Variants in CCDC60 observed in about 807,000 individuals in gnomAD.
CCDC60 encodes the protein coiled-coil domain containing 60, also known as coiled-coil domain-containing protein 60.
A neutral mutation model predicts 63.5 loss-of-function variants in CCDC60; 54 were observed. That is an observed-to-expected ratio of 0.85 (90% CI 0.68 to 1.07). The LOEUF (loss-of-function observed/expected upper bound fraction) is 1.07. Ranked by LOEUF, CCDC60 falls within the 50% of genes least tolerant of loss-of-function variation. The probability of loss-of-function intolerance (pLI) is 0.00; values close to 1 mark genes in which losing one functional copy is unlikely to be tolerated. For synonymous variants in CCDC60, 206 were observed against 238.8 expected, an observed-to-expected ratio of 0.86 and a Z score of 1.27; for missense variants, 651 against 684.3, an observed-to-expected ratio of 0.95 and a Z score of 0.54.
At chr12:119,535,545 G>T (rs1050951431) in intron 13 of CCDC60, among the ~76,000 whole-genome samples, 1 of 152,078 alleles carries the variant, frequency 6.6e-6, no homozygotes, top group Non-Finnish European at 1.5e-5. Context: ...TCTCTTGTGG[G>T]CATTTAGTGC....
chr12:119,470,717 T>C (rs1951041315), intron 2 of CCDC60, among the ~76,000 whole-genome samples: 1 of 152,176 alleles, frequency 6.6e-6, no homozygotes, highest in Non-Finnish European at 1.5e-5. Context: ...AAGAAAATCC[T>C]ACTTTCTCCA....
chr12:119,364,414 A>G (rs1457866897), intron 1 of CCDC60, among the ~76,000 whole-genome samples: 1 of 152,134 alleles, frequency 6.6e-6, no homozygotes, highest in Non-Finnish European at 1.5e-5. Context: ...CTCCTCATCT[A>G]TACTCTATCA....
intron 1 of CCDC60, among the ~76,000 whole-genome samples, chr12:119,408,470 G>T (rs1956533274): frequency 6.6e-6 from 1 of 152,128 alleles, no homozygotes; most frequent in Non-Finnish European, 1.5e-5. Flanking sequence ...GTGCTTTCTG[G>T]CTGTAGGCTA....
intron 2 of CCDC60, among the ~76,000 whole-genome samples, chr12:119,445,767 T>A (rs1010669043): frequency 2.0e-5 from 3 of 152,164 alleles, no homozygotes; most frequent in Admixed American, 6.5e-5. Context: ...TAAAAAGGAA[T>A]GAATTAATGG....
At chr12:119,431,001 C>T (rs780594890) in intron 2 of CCDC60, among the ~76,000 whole-genome samples, 2 of 152,182 alleles carry the variant, frequency 1.3e-5, no homozygotes, top group Non-Finnish European at 2.9e-5. Context: ...AGCATTTGAA[C>T]TTGGATCTCC....
At position 119,522,995 on chromosome 12, in the gene CCDC60, C is replaced by T; in HGVS notation, c.1097C>T (p.Ser366Phe). 1 of 1,614,062 alleles carries T rather than the reference C, an allele frequency of 6.2e-7. No homozygotes were observed. Among genetic ancestry groups the T allele is most frequent in the Non-Finnish European group, 8.5e-7 (1 of 1,179,960 alleles). Residue 366 changes from serine (S) to phenylalanine (F), a missense_variant, in exon 10 of 14, where the codon TCT becomes TTT. Transcript: ENST00000327554. ...CACATCCAACCAGTCCAGAAGAAGT[C>T]TAAAAAGTAAGCCAGGAGGGCAATG... Reference protein sequence around the residue: ...ESHIQPVQKKSKNRTNCDINI... With the variant: ...ESHIQPVQKKFKNRTNCDINI...
chr12:119,455,220 C>T (rs1013239963), intron 2 of CCDC60, among the ~76,000 whole-genome samples: 4 of 152,218 alleles, frequency 2.6e-5, no homozygotes, highest in African/African-American at 9.6e-5. Context: ...CAAGTTGATA[C>T]TTGGTAGGCA....
In CCDC60 at chr12:119,420,224, T is replaced by C. The variant is rs970428993; in HGVS notation, c.91-8459T>C. Reference sequence around the variant, plus strand: ...TTCCTATTTCAGTTTGAAGGATCTGTGTGTGGATGAGGTCACTAATTCTGG... The same window carrying C: ...TTCCTATTTCAGTTTGAAGGATCTGCGTGTGGATGAGGTCACTAATTCTGG... On this transcript the variant is annotated intron_variant, in intron 1 of 13. Transcript: ENST00000327554. The surrounding 1 kb of genome is among the most constrained non-coding windows in gnomAD (Gnocchi z 4.1). Among the ~76,000 whole-genome samples, 5 of 152,130 alleles carry C rather than the reference T, an allele frequency of 3.3e-5. No homozygotes were observed. Among genetic ancestry groups the C allele is most frequent in the African/African-American group, 1.2e-4 (5 of 41,426 alleles).
intron 2 of CCDC60, among the ~76,000 whole-genome samples, chr12:119,460,826 C>T (rs1169631312): frequency 6.6e-6 from 1 of 152,130 alleles, no homozygotes; most frequent in Non-Finnish European, 1.5e-5. Flanking sequence ...AGAGTATTTG[C>T]TCAATAATGA....
At chr12:119,360,346 G>C (rs1388585773) in intron 1 of CCDC60, among the ~76,000 whole-genome samples, 2 of 140,092 alleles carry the variant, frequency 1.4e-5, no homozygotes, top group East Asian at 2.3e-4. Flanking sequence ...GGGGGCTGAC[G>C]CCCCCACCTC....
intron 11 of CCDC60, among the ~76,000 whole-genome samples, chr12:119,526,348 A>G (rs559312): frequency 0.2 from 30,133 of 152,172 alleles, 3,765 homozygotes; most frequent in East Asian, 0.52. Flanking sequence ...TGGACCTAGG[A>G]ATGGGCAAAG....
chr12:119,336,523 G>C (rs1449369573), intron 1 of CCDC60, among the ~76,000 whole-genome samples: 1 of 152,192 alleles, frequency 6.6e-6, no homozygotes, highest in African/African-American at 2.4e-5. Context: ...GAGATCTGCT[G>C]GTCTCCAGAA....
Position 119,334,990 on chromosome 12 carries a change from G to A in CCDC60, c.-187G>A. 1.9e-6 allele frequency: 1 copy of A among 515,754 alleles called. No homozygotes were observed. Among genetic ancestry groups the A allele is most frequent in the African/African-American group, 1.9e-5 (1 of 51,398 alleles). The allele number at this position is 515,754 out of a possible 1,614,324, so 31.9% of individuals were successfully genotyped here. A position where few individuals can be genotyped will look rare whatever the true frequency, so the allele number is the denominator to read the frequency against. On this transcript the variant is annotated 5_prime_UTR_variant, in exon 1 of 14. Transcript: ENST00000327554. ...TGCCCTACCCGGACTTCCTTATCCC[G>A]TCTGTGGGAGACCCAGGTGCTTTCT... is the stretch of plus-strand genomic sequence containing the variant.
intron 2 of CCDC60, among the ~76,000 whole-genome samples, chr12:119,464,242 G>C (rs1950910094): frequency 2.1e-5 from 3 of 142,480 alleles, no homozygotes; most frequent in Non-Finnish European, 4.5e-5. Flanking sequence ...GGATCCAGTA[G>C]GTTGCAGTTT....
chr12:119,433,014 A>G (rs945213524), intron 2 of CCDC60, among the ~76,000 whole-genome samples: 2 of 152,184 alleles, frequency 1.3e-5, no homozygotes, highest in Admixed American at 6.5e-5. Context: ...GAGTGCTACA[A>G]CAAATCTCTT....
chr12:119,418,355 T>C (rs1025376542), intron 1 of CCDC60, among the ~76,000 whole-genome samples: 2 of 148,180 alleles, frequency 1.3e-5, no homozygotes, highest in Admixed American at 6.7e-5. Flanking sequence ...AGTGCTATTA[T>C]CTTTTTCTTT....
intron 1 of CCDC60, among the ~76,000 whole-genome samples, chr12:119,416,955 T>C (rs912372600): frequency 1.3e-5 from 2 of 152,010 alleles, no homozygotes; most frequent in Non-Finnish European, 2.9e-5. Context: ...ACCCCATCTA[T>C]ACAAAAAAAT....
At chr12:119,365,038 A>G (rs1340709084) in intron 1 of CCDC60, among the ~76,000 whole-genome samples, 2 of 152,226 alleles carry the variant, frequency 1.3e-5, no homozygotes, top group Non-Finnish European at 2.9e-5. Context: ...TGTGATAGAC[A>G]CTTCTTAAAA....
chr12:119,454,473 A>G (rs1175777301), intron 2 of CCDC60, among the ~76,000 whole-genome samples: 1 of 151,996 alleles, frequency 6.6e-6, no homozygotes, highest in Non-Finnish European at 1.5e-5. Flanking sequence ...CCTGTTGCCT[A>G]TTTACCAGCT....
Sources: gnomAD v4.1 joint callset for allele counts (sites outside exome capture counted in the v4.1 genomes callset) on GRCh38, gnomAD v4.1.1 for gene constraint, Gnocchi (gnomAD v3.1) non-coding constraint, MANE v1.5 for transcripts, NCBI Gene and HGNC (gene_info 2026-07-23, HGNC 2026-07-21) for gene names.